Variants in ZNF737 observed in about 807,000 individuals in gnomAD.
ZNF737 encodes the protein zinc finger protein 737.
Under a neutral mutation model 11.7 loss-of-function variants are expected in ZNF737, and 13 were observed. The observed-to-expected ratio is 1.11, with a 90% confidence interval of 0.73 to 1.77. ZNF737 has a LOEUF of 1.77. Among genes scored for constraint, ZNF737 ranks in the 40% most tolerant of loss-of-function variants. The pLI, the probability that ZNF737 is intolerant of heterozygous loss-of-function variation, is 0.00. For synonymous variants in ZNF737, 217 were observed against 216.2 expected (o/e 1.00, Z -0.03); for missense variants, 636 against 638.0 (o/e 1.00, Z 0.03).
Position 20,542,576 on chromosome 19 carries a change from A to T in ZNF737, c.*2016T>A, listed in dbSNP as rs1250755686. On this transcript the variant is annotated 3_prime_UTR_variant, in exon 4 of 4. Coordinates refer to ENST00000427401, the MANE Select transcript of ZNF737 (RefSeq NM_001159293.2). Reference sequence around the variant, plus strand: ...CTGCATTTTATTACATAAAAGTACAAGTAGTAAAGTAATATACTCATTTAT... The same window carrying T: ...CTGCATTTTATTACATAAAAGTACATGTAGTAAAGTAATATACTCATTTAT... 1 of 980,158 alleles carries T rather than the reference A, an allele frequency of 1.0e-6. No homozygotes were observed. Among genetic ancestry groups the T allele is most frequent in the Non-Finnish European group, 1.2e-6 (1 of 825,242 alleles). The allele number at this position is 980,158 out of a possible 1,614,324, so 60.7% of individuals were successfully genotyped here.
In ZNF737 at chr19:20,553,701, T is replaced by C; in HGVS notation, c.130+8A>G. 1 of 1,612,588 alleles carries C rather than the reference T, an allele frequency of 6.2e-7. No individual in the cohort carries two copies. Among genetic ancestry groups the C allele is most frequent in the East Asian group, 2.2e-5 (1 of 44,854 alleles). ...ATATTATGAATTATGTATTAAAGTT[T>C]TTCTCACCAAGGAAGACCAGGTTTC... On this transcript the variant is annotated splice_region_variant and intron_variant, in intron 2 of 3. Transcript: ENST00000427401.
In ZNF737 at chr19:20,542,761, A is replaced by G. The variant is rs935371355; in HGVS notation, c.*1831T>C. 2.0e-6 allele frequency: 2 copies of G among 984,952 alleles called. No individual in the cohort carries two copies. Among genetic ancestry groups the G allele is most frequent in the Non-Finnish European group, 2.4e-6 (2 of 829,646 alleles). The allele number at this position is 984,952 out of a possible 1,614,324, so 61.0% of individuals were successfully genotyped here. A position where few individuals can be genotyped will look rare whatever the true frequency, so the allele number is the denominator to read the frequency against. On this transcript the variant is annotated 3_prime_UTR_variant, in exon 4 of 4. Coordinates refer to ENST00000427401, the MANE Select transcript of ZNF737 (RefSeq NM_001159293.2). Reference sequence around the variant, plus strand: ...TTAATGTTCTTACTATTTTATAGAAAAAGTCATAATGTCCAAATAATGTAA... The same window carrying G: ...TTAATGTTCTTACTATTTTATAGAAGAAGTCATAATGTCCAAATAATGTAA...
chr19:20,564,635 A>G (rs1555763325), intron 1 of ZNF737, among the ~76,000 whole-genome samples: 2 of 150,484 alleles, frequency 1.3e-5, no homozygotes, highest in Non-Finnish European at 3.0e-5. Context: ...CTGGCGACAG[A>G]GCGAGACTCC....
Position 20,540,941 on chromosome 19 carries a change from A to G in ZNF737, c.*3651T>C, listed in dbSNP as rs1968179434. The G allele has an allele frequency of 2.1e-6, 2 of 975,548 alleles. No homozygotes were observed. Among genetic ancestry groups the G allele is most frequent in the Non-Finnish European group, 2.4e-6 (2 of 821,000 alleles). 60.4% of individuals were successfully genotyped at this position (975,548 alleles called of 1,614,324 possible). A position where few individuals can be genotyped will look rare whatever the true frequency, so the allele number is the denominator to read the frequency against. ...ACATAGAACAATAAAAATATATCCA[A>G]TTATTCAATTTTGGTTGAATGTTCA... On this transcript the variant is annotated 3_prime_UTR_variant, in exon 4 of 4. Coordinates refer to ENST00000427401, the MANE Select transcript of ZNF737 (RefSeq NM_001159293.2).
At position 20,538,564 on chromosome 19, in the gene ZNF737, T is replaced by C. The variant is rs1968070480; in HGVS notation, c.*6028A>G. On this transcript the variant is annotated 3_prime_UTR_variant, in exon 4 of 4. Coordinates refer to ENST00000427401, the MANE Select transcript of ZNF737 (RefSeq NM_001159293.2). ...TGGCAAAACTGCTTTCTGCAAAAAG[T>C]AAAAATGGCCTTGCTAAGAAAAATT... is the stretch of plus-strand genomic sequence containing the variant. 4.6e-6 allele frequency: 4 copies of C among 877,580 alleles called. No individual in the cohort carries two copies. Among genetic ancestry groups the C allele is most frequent in the South Asian group, 1.1e-4 (2 of 19,026 alleles). The allele number at this position is 877,580 out of a possible 1,614,324, so 54.4% of individuals were successfully genotyped here. A position where few individuals can be genotyped will look rare whatever the true frequency, so the allele number is the denominator to read the frequency against.
rs1257383597 is a variant in ZNF737 at position 20,543,287 on chromosome 19, A to G, written c.*1305T>C. ...CCCTGATGTTGAACAAACTTGAGCA[A>G]CTGCTTTAGGATTTTCCTCCAGTAC... On this transcript the variant is annotated 3_prime_UTR_variant, in exon 4 of 4. Coordinates refer to ENST00000427401, the MANE Select transcript of ZNF737 (RefSeq NM_001159293.2). The G allele has an allele frequency of 3.0e-6, 3 of 985,474 alleles. No homozygotes were observed. The African/African-American group carries it at 5.2e-5, about 17-fold the overall frequency. The allele number at this position is 985,474 out of a possible 1,614,324, so 61.0% of individuals were successfully genotyped here. A position where few individuals can be genotyped will look rare whatever the true frequency, so the allele number is the denominator to read the frequency against.
At chr19:20,549,807 G>T (rs529501514) in intron 3 of ZNF737, among the ~76,000 whole-genome samples, 1 of 151,608 alleles carries the variant, frequency 6.6e-6, no homozygotes, top group Non-Finnish European at 1.5e-5. Flanking sequence ...ACACACGCCT[G>T]TAATCCCAGC....
intron 1 of ZNF737, among the ~76,000 whole-genome samples, chr19:20,556,217 C>A (rs938285337): frequency 1.3e-5 from 2 of 152,098 alleles, no homozygotes; most frequent in Non-Finnish European, 2.9e-5. Context: ...ACTTAACGCT[C>A]ATGAATGTAT....
chr19:20,546,050 A>C, intron 3 of ZNF737, 74 bp from the exon 4 acceptor site: 1 of 1,452,766 alleles, frequency 6.9e-7, no homozygotes, highest in Non-Finnish European at 9.1e-7. Flanking sequence ...TCTAACCTAT[A>C]TAATTATACA....
intron 1 of ZNF737, among the ~76,000 whole-genome samples, chr19:20,559,558 A>G (rs781849804): frequency 1.3e-5 from 2 of 152,224 alleles, no homozygotes; most frequent in African/African-American, 2.4e-5. Context: ...ACTTCACACC[A>G]GTCAGAATGG....
rs75395213 is a variant in ZNF737 at position 20,542,794 on chromosome 19, G to A, written c.*1798C>T. The A allele has an allele frequency of 0.024, 24,040 of 984,972 alleles. 347 individuals carry two copies. Among genetic ancestry groups the A allele is most frequent in the East Asian group, 0.11 (963 of 8,802 alleles). 61.0% of individuals were successfully genotyped at this position (984,972 alleles called of 1,614,324 possible). ...AATGTCCAAATAATGTAAAAAAATCGAATATCTCTGATGCAGAAGCCACTG... is the reference window on the plus strand; with the variant it reads ...AATGTCCAAATAATGTAAAAAAATCAAATATCTCTGATGCAGAAGCCACTG... On this transcript the variant is annotated 3_prime_UTR_variant, in exon 4 of 4. Transcript: ENST00000427401.
At position 20,538,539 on chromosome 19, in the gene ZNF737, T is replaced by C. The variant is rs927654071; in HGVS notation, c.*6053A>G. The C allele has an allele frequency of 1.9e-6, 1 of 537,648 alleles. No homozygotes were observed. Among genetic ancestry groups the C allele is most frequent in the African/African-American group, 2.1e-5 (1 of 48,526 alleles). 33.3% of individuals were successfully genotyped at this position (537,648 alleles called of 1,614,324 possible). On this transcript the variant is annotated 3_prime_UTR_variant, in exon 4 of 4. Transcript: ENST00000427401. ...CTGTCTCCTCTGTTCAGTGTACTCG[T>C]GGCAAAACTGCTTTCTGCAAAAAGT...
Position 20,543,668 on chromosome 19 carries a change from GCAACCATATA to G in ZNF737, c.*914_*923del. On this transcript the variant is annotated 3_prime_UTR_variant, in exon 4 of 4. Coordinates refer to ENST00000427401, the MANE Select transcript of ZNF737 (RefSeq NM_001159293.2). ...ATTATCCAACCTACAATCAAGAGTG[GCAACCATATA>G]AAGGCTTTGTCACATTTTATATATT... The G allele has an allele frequency of 1.0e-6, 1 of 985,432 alleles. No homozygotes were observed. Among genetic ancestry groups the G allele is most frequent in the Non-Finnish European group, 1.2e-6 (1 of 829,906 alleles). 61.0% of individuals were successfully genotyped at this position (985,432 alleles called of 1,614,324 possible). A position where few individuals can be genotyped will look rare whatever the true frequency, so the allele number is the denominator to read the frequency against.
In ZNF737 at chr19:20,538,680, G is replaced by A. The variant is rs1029728103; in HGVS notation, c.*5912C>T. On this transcript the variant is annotated 3_prime_UTR_variant, in exon 4 of 4. Transcript: ENST00000427401. ...ACCCTGAGTAATTCAGGGGGAATTG[G>A]TATCTCTGTAAAGAGACAGTAAGGA... 35 of 985,318 alleles carry A rather than the reference G, an allele frequency of 3.6e-5. No homozygotes were observed. Among genetic ancestry groups the A allele is most frequent in the South Asian group, 1.9e-4 (4 of 21,276 alleles). 61.0% of individuals were successfully genotyped at this position (985,318 alleles called of 1,614,324 possible).
chr19:20,543,256 T>G lies in ZNF737; in HGVS notation c.*1336A>C. 4 of 985,436 alleles carry G rather than the reference T, an allele frequency of 4.1e-6. No homozygotes were observed. Among genetic ancestry groups the G allele is most frequent in the Non-Finnish European group, 4.8e-6 (4 of 829,918 alleles). The allele number at this position is 985,436 out of a possible 1,614,324, so 61.0% of individuals were successfully genotyped here. A position where few individuals can be genotyped will look rare whatever the true frequency, so the allele number is the denominator to read the frequency against. On this transcript the variant is annotated 3_prime_UTR_variant, in exon 4 of 4. Transcript: ENST00000427401. Reference sequence around the variant, plus strand: ...ACATTTGTAGGACTCATCTCCAATATAAATTCCCTGATGTTGAACAAACTT... The same window carrying G: ...ACATTTGTAGGACTCATCTCCAATAGAAATTCCCTGATGTTGAACAAACTT...
At chr19:20,559,456 A>G (rs1555761883) in intron 1 of ZNF737, among the ~76,000 whole-genome samples, 1 of 146,982 alleles carries the variant, frequency 6.8e-6, no homozygotes, top group East Asian at 2.0e-4. Context: ...GGAGAAATTA[A>G]AAGAAAAACC....
chr19:20,541,361 G>T lies in ZNF737; in HGVS notation c.*3231C>A. Reference sequence around the variant, plus strand: ...ATGTAAATTAAAACTAAAAGTCTATGTGTTTGCAGGCAGAGACCACATGTT... The same window carrying T: ...ATGTAAATTAAAACTAAAAGTCTATTTGTTTGCAGGCAGAGACCACATGTT... On this transcript the variant is annotated 3_prime_UTR_variant, in exon 4 of 4. Coordinates refer to ENST00000427401, the MANE Select transcript of ZNF737 (RefSeq NM_001159293.2). 1.0e-6 allele frequency: 1 copy of T among 984,078 alleles called. No homozygotes were observed. The highest frequency in any genetic ancestry group is 1.2e-6 in the Non-Finnish European group (1 of 828,762). The allele number at this position is 984,078 out of a possible 1,614,324, so 61.0% of individuals were successfully genotyped here.
rs370269358 is a variant in ZNF737, at chr19:20,556,750, C to T, written c.4-2915G>A. 2.5e-4 allele frequency among the ~76,000 whole-genome samples: 38 copies of T among 152,234 alleles called. No homozygotes were observed. In the East Asian group the frequency reaches 5.6e-3, roughly 22 times the overall value. On this transcript the variant is annotated intron_variant, in intron 1 of 3. Coordinates refer to ENST00000427401, the MANE Select transcript of ZNF737 (RefSeq NM_001159293.2). The stretch of plus-strand genomic sequence containing the variant: ...GGCTCTTTAAAGTTTACAGAGGAAA[C>T]AAGGCAGCAATGTCTGAATAAGTCT...
chr19:20,534,593 C>A (rs1229718612), downstream of ZNF737, among the ~76,000 whole-genome samples: 1 of 149,358 alleles, frequency 6.7e-6, no homozygotes, highest in African/African-American at 2.5e-5. Context: ...TTTTAATTTC[C>A]AAAAAACTTG....
Sources: gnomAD v4.1 joint callset for allele counts (sites outside exome capture counted in the v4.1 genomes callset) on GRCh38, gnomAD v4.1.1 for gene constraint, MANE v1.5 for transcripts, NCBI Gene and HGNC (gene_info 2026-07-23, HGNC 2026-07-21) for gene names.